NSMCE1: variants seen among roughly 807,000 people sequenced by gnomAD.
The protein encoded by NSMCE1 is NSE1 component of SMC5/6 complex.
A neutral mutation model predicts 29.6 loss-of-function variants in NSMCE1; 18 were observed. The observed-to-expected ratio is 0.61, with a 90% CI of 0.42 to 0.90. The LOEUF (loss-of-function observed/expected upper bound fraction) is 0.90, where lower values mean the gene tolerates loss of function less well. NSMCE1 is among the 40% of genes least tolerant of loss of function. The pLI is 0.00. For missense variants in NSMCE1, 314 were observed against 343.6 expected, an observed-to-expected ratio of 0.91 and a Z score of 0.68; for synonymous variants, 124 against 133.4, an observed-to-expected ratio of 0.93 and a Z score of 0.49.
At chr16:27,235,494 C>A (rs928250779) in intron 2 of NSMCE1, among the ~76,000 whole-genome samples, 195 bp from the exon 3 acceptor site, 1 of 152,176 alleles carries the variant, frequency 6.6e-6, no homozygotes, top group African/African-American at 2.4e-5. Context: ...GACAAACAGA[C>A]AACAGATGGA....
intron 1 of NSMCE1, among the ~76,000 whole-genome samples, chr16:27,261,606 C>G (rs927731801): frequency 6.6e-6 from 1 of 152,124 alleles, no homozygotes; most frequent in African/African-American, 2.4e-5. Context: ...CTTCAGGTCC[C>G]AATGACTTTA....
chr16:27,236,579 G>C (rs558406397), intron 2 of NSMCE1, among the ~76,000 whole-genome samples: 1 of 152,326 alleles, frequency 6.6e-6, no homozygotes, highest in Non-Finnish European at 1.5e-5. Flanking sequence ...TTATAGGCGT[G>C]AGCCACCACG....
chr16:27,263,930 T>C (rs2084191219), intron 1 of NSMCE1, among the ~76,000 whole-genome samples: 1 of 152,214 alleles, frequency 6.6e-6, no homozygotes, highest in Non-Finnish European at 1.5e-5. Context: ...ACAGTCAGCA[T>C]CCCAAGAGGC....
intron 5 of NSMCE1, among the ~76,000 whole-genome samples, chr16:27,227,070 T>C (rs2083706415): frequency 1.3e-5 from 2 of 152,326 alleles, no homozygotes; most frequent in East Asian, 1.9e-4. Context: ...CACCCGCCTT[T>C]TCTCAGCATC....
chr16:27,231,837 C>T (rs537311642), intron 5 of NSMCE1, among the ~76,000 whole-genome samples: 44 of 152,282 alleles, frequency 2.9e-4, no homozygotes, highest in Admixed American at 2.8e-3. Context: ...GGGTGTCCGA[C>T]GTCATCCAGA....
intron 2 of NSMCE1, 75 bp downstream of exon 2, chr16:27,257,360 G>A (rs1256628893): frequency 4.8e-6 from 6 of 1,246,828 alleles, no homozygotes; most frequent in Non-Finnish European, 6.5e-6. Context: ...CAAGTTACAT[G>A]GTATTGTACC....
At chr16:27,250,089 G>A (rs975238158) in intron 2 of NSMCE1, among the ~76,000 whole-genome samples, 2 of 152,120 alleles carry the variant, frequency 1.3e-5, no homozygotes, top group African/African-American at 4.8e-5. Flanking sequence ...AGAAACAATT[G>A]GTATTTGGAT....
At chr16:27,265,935 G>A (rs2084219910) in intron 1 of NSMCE1, among the ~76,000 whole-genome samples, 1 of 152,144 alleles carries the variant, frequency 6.6e-6, no homozygotes, top group African/African-American at 2.4e-5. Context: ...CTTTGAGGAG[G>A]GAAGAAAGGA....
rs1205085947 is a variant in NSMCE1, at chr16:27,235,161, C to T, written c.258+17G>A. 13 of 1,611,584 alleles carry T rather than the reference C, an allele frequency of 8.1e-6. No individual in the cohort carries two copies. Among genetic ancestry groups the T allele is most frequent in the Middle Eastern group, 1.6e-4 (1 of 6,068 alleles). On this transcript the variant is annotated intron_variant, in intron 3 of 7. Coordinates refer to ENST00000361439, the MANE Select transcript of NSMCE1 (RefSeq NM_145080.4). The stretch of plus-strand genomic sequence containing the variant: ...GCTCCTCAAAAATGCCACTAGAGGG[C>T]TCTGCCGGGCACTCACCAACGCATA...
chr16:27,234,755 C>T (rs983223309), intron 3 of NSMCE1, among the ~76,000 whole-genome samples: 6 of 152,190 alleles, frequency 3.9e-5, no homozygotes, highest in Admixed American at 6.5e-5. Flanking sequence ...GAGGTGTCTC[C>T]TAGCCAGGGA....
intron 1 of NSMCE1, among the ~76,000 whole-genome samples, chr16:27,259,101 G>A (rs755329006): frequency 1.3e-5 from 2 of 152,028 alleles, no homozygotes; most frequent in African/African-American, 2.4e-5. Flanking sequence ...GGGAAAATGC[G>A]CCATCTCATA....
rs1250663806 is a variant in NSMCE1, at chr16:27,240,810, C to T, written c.137-5511G>A. On this transcript the variant is annotated intron_variant, in intron 2 of 7. Transcript: ENST00000361439. ...TTTTAAGGCCAGGTGTGGTGGCTTA[C>T]ACCTGTAATCACAGTACTTTGGAAG... 2.6e-5 allele frequency among the ~76,000 whole-genome samples: 4 copies of T among 152,296 alleles called. No homozygotes were observed. In the East Asian group the frequency reaches 7.7e-4, roughly 29 times the overall value.
chr16:27,232,932 C>A lies in NSMCE1; in HGVS notation c.483+69G>T, dbSNP rs926358434. The A allele has an allele frequency of 1.5e-5, 23 of 1,551,290 alleles. No individual in the cohort carries two copies. The highest frequency in any genetic ancestry group is 1.9e-5 in the Non-Finnish European group (21 of 1,135,058). Reference sequence around the variant, plus strand: ...CTCAGACATCAGTTGGCTACAAGTACGATTTTGGAGAAAAAACTGTTATTC... The same window carrying A: ...CTCAGACATCAGTTGGCTACAAGTAAGATTTTGGAGAAAAAACTGTTATTC... On this transcript the variant is annotated intron_variant, in intron 5 of 7. Coordinates refer to ENST00000361439, the MANE Select transcript of NSMCE1 (RefSeq NM_145080.4). This position sits in a 1 kb window ranked among gnomAD's most constrained non-coding sequence, Gnocchi z 4.5.
At chr16:27,258,988 G>A (rs978401142) in intron 1 of NSMCE1, among the ~76,000 whole-genome samples, 3 of 151,966 alleles carry the variant, frequency 2.0e-5, no homozygotes, top group Non-Finnish European at 2.9e-5. Context: ...GACCTCAGGC[G>A]ATCCACCTGC....
At chr16:27,242,876 G>A (rs925645622) in intron 2 of NSMCE1, among the ~76,000 whole-genome samples, 2 of 152,178 alleles carry the variant, frequency 1.3e-5, no homozygotes, top group Admixed American at 1.3e-4. Flanking sequence ...TGATACAGGG[G>A]CTCTGCAGGG....
At chr16:27,258,523 C>T (rs1231120002) in intron 1 of NSMCE1, among the ~76,000 whole-genome samples, 1 of 152,198 alleles carries the variant, frequency 6.6e-6, no homozygotes, top group African/African-American at 2.4e-5. Context: ...CAAGATCTGA[C>T]AAGAAAGAAG....
At chr16:27,256,970 A>G (rs529613865) in intron 2 of NSMCE1, among the ~76,000 whole-genome samples, 4 of 152,240 alleles carry the variant, frequency 2.6e-5, no homozygotes, top group African/African-American at 9.6e-5. Flanking sequence ...TCCCACCTTG[A>G]TTCCCAGAGT....
chr16:27,227,783 C>CTTTTTTTTTTTTTT (rs1239133211), intron 5 of NSMCE1, among the ~76,000 whole-genome samples: 1 of 65,972 alleles, frequency 1.5e-5, no homozygotes, highest in African/African-American at 4.2e-5. Context: ...CTTTTCTTTT[C>CTTTTTTTTTTTTTT]TTTTTTTTTT....
intron 2 of NSMCE1, among the ~76,000 whole-genome samples, chr16:27,243,851 A>T (rs150170308): frequency 6.6e-6 from 1 of 152,120 alleles, no homozygotes; most frequent in Non-Finnish European, 1.5e-5. Flanking sequence ...AGGTCTCGCA[A>T]TGTTGCCCAG....
Sources: gnomAD v4.1 joint callset for allele counts (sites outside exome capture counted in the v4.1 genomes callset) on GRCh38, gnomAD v4.1.1 for gene constraint, Gnocchi (gnomAD v3.1) non-coding constraint, MANE v1.5 for transcripts, NCBI Gene and HGNC (gene_info 2026-07-23, HGNC 2026-07-21) for gene names.